The following TLL1 variants were observed in gnomAD, a reference collection of about 807,000 sequenced individuals.
TLL1 encodes the protein tolloid like 1.
In TLL1, 49 loss-of-function variants were observed where a neutral mutation model predicts 128.2. The observed-to-expected ratio is 0.38, with a 90% CI of 0.30 to 0.48. The LOEUF (loss-of-function observed/expected upper bound fraction) is 0.48, where lower values mean the gene tolerates loss of function less well. Among genes scored for constraint, TLL1 ranks in the 20% least tolerant of loss-of-function variants. The pLI is 0.96. For missense variants in TLL1, 1,123 were observed against 1,242.0 expected, an observed-to-expected ratio of 0.90 and a Z score of 1.44; for synonymous variants, 454 against 418.8, an observed-to-expected ratio of 1.08 and a Z score of -1.03.
At chr4:165,947,294 GA>G (rs1203090064) in intron 1 of TLL1, among the ~76,000 whole-genome samples, 4 of 152,062 alleles carry the variant, frequency 2.6e-5, no homozygotes, top group African/African-American at 9.7e-5. Context: ...AGACTTCACT[GA>G]ACCTTAATTA....
At chr4:165,957,715 TTA>T (rs1491474865) in intron 1 of TLL1, among the ~76,000 whole-genome samples, 3,431 of 150,996 alleles carry the variant, frequency 0.023, 129 homozygotes, top group African/African-American at 0.078. Context: ...TTTTTTTTTT[TTA>T]AATTATTATT....
chr4:165,927,165 A>G (rs1733311894), intron 1 of TLL1, among the ~76,000 whole-genome samples: 1 of 152,204 alleles, frequency 6.6e-6, no homozygotes, highest in Non-Finnish European at 1.5e-5. Flanking sequence ...AGAAAGCTTT[A>G]TATACCATAA....
intron 12 of TLL1, 99 bp downstream of exon 12, chr4:166,043,518 G>C: frequency 6.4e-7 from 1 of 1,553,358 alleles, no homozygotes; most frequent in Non-Finnish European, 8.9e-7. Context: ...CAGAGAGTCA[G>C]CCTTTTAATC....
At chr4:165,912,682 T>G (rs1035472417) in intron 1 of TLL1, among the ~76,000 whole-genome samples, 1 of 152,154 alleles carries the variant, frequency 6.6e-6, no homozygotes, top group Non-Finnish European at 1.5e-5. Context: ...CCATAGTTGT[T>G]CAATAGAATG....
chr4:166,099,543 A>G lies in TLL1; in HGVS notation c.2907+16A>G, dbSNP rs545800218. On this transcript the variant is annotated intron_variant, in intron 20 of 20. Transcript: ENST00000061240. Reference sequence around the variant, plus strand: ...TGGATCCGGGGTAAATATACCACCAACAGAATACCCTAGACATGATTAAAG... The same window carrying G: ...TGGATCCGGGGTAAATATACCACCAGCAGAATACCCTAGACATGATTAAAG... 8 of 1,613,102 alleles carry G rather than the reference A, an allele frequency of 5.0e-6. No homozygotes were observed. In the Admixed American group the frequency reaches 1.0e-4, roughly 20 times the overall value.
At chr4:166,086,594 G>A (rs1479568057) in intron 18 of TLL1, among the ~76,000 whole-genome samples, 2 of 152,074 alleles carry the variant, frequency 1.3e-5, no homozygotes, top group African/African-American at 4.8e-5. Flanking sequence ...CGGTCTCAAA[G>A]GAACCAGACT....
In TLL1 at chr4:166,100,955, G is replaced by A. The variant is rs1239617854; in HGVS notation, c.*79G>A. 3.9e-6 allele frequency: 6 copies of A among 1,540,566 alleles called. No individual in the cohort carries two copies. The Admixed American group carries it at 7.4e-5, about 19-fold the overall frequency. ...ATTTTTTTTAAAACTGAAGATATTG[G>A]CACAAATGTTTTATACAAAGAGTTT... On this transcript the variant is annotated 3_prime_UTR_variant, in exon 21 of 21. Transcript: ENST00000061240.
intron 19 of TLL1, among the ~76,000 whole-genome samples, chr4:166,098,399 G>T (rs1742127289): frequency 1.4e-5 from 2 of 146,010 alleles, no homozygotes; most frequent in Admixed American, 6.8e-5. Context: ...AAGTGTGTTT[G>T]AAACCTTTTA....
intron 12 of TLL1, among the ~76,000 whole-genome samples, chr4:166,047,251 A>G (rs1302002472): frequency 1.3e-5 from 2 of 150,128 alleles, no homozygotes; most frequent in East Asian, 1.9e-4. Flanking sequence ...TGCAACCTCC[A>G]CCTCCCAGGT....
Position 166,083,551 on chromosome 4 carries a change from C to A in TLL1, c.2442+5521C>A, listed in dbSNP as rs1741379357. Among the ~76,000 whole-genome samples the A allele has an allele frequency of 1.6e-5, 2 of 123,148 alleles. 1 individual carries two copies. Among genetic ancestry groups the A allele is most frequent in the Admixed American group, 1.9e-4 (2 of 10,324 alleles). 80.8% of individuals were successfully genotyped at this position (123,148 alleles called of 152,430 possible). A position where few individuals can be genotyped will look rare whatever the true frequency, so the allele number is the denominator to read the frequency against. The stretch of plus-strand genomic sequence containing the variant: ...TCTACTCAACCCTTTCCCATCTCAA[C>A]CACCCTAGCCTTTGGTCAACACCAT... On this transcript the variant is annotated intron_variant, in intron 18 of 20. Coordinates refer to ENST00000061240, the MANE Select transcript of TLL1 (RefSeq NM_012464.5).
At chr4:165,883,972 C>T (rs1215853148) in intron 1 of TLL1, among the ~76,000 whole-genome samples, 1 of 152,160 alleles carries the variant, frequency 6.6e-6, no homozygotes, top group Non-Finnish European at 1.5e-5. Context: ...TCGGTAATTT[C>T]TGGTTCAGAT....
chr4:165,969,764 A>G (rs1049372345), intron 1 of TLL1, among the ~76,000 whole-genome samples: 26 of 152,234 alleles, frequency 1.7e-4, no homozygotes, highest in Admixed American at 1.4e-3. Flanking sequence ...GTTATTAATC[A>G]CTGTACTTCA....
chr4:166,045,414 G>A lies in TLL1; in HGVS notation c.1524+1995G>A, dbSNP rs1023985312. The stretch of plus-strand genomic sequence containing the variant: ...TCTACCTTTTCTCTTAAGCCCTGCA[G>A]CCAATCTATCAGCATATATCAGTTG... On this transcript the variant is annotated intron_variant, in intron 12 of 20. Coordinates refer to ENST00000061240, the MANE Select transcript of TLL1 (RefSeq NM_012464.5). Among the ~76,000 whole-genome samples the A allele has an allele frequency of 2.0e-5, 3 of 152,084 alleles. No individual in the cohort carries two copies. In the East Asian group the frequency reaches 5.8e-4, roughly 29 times the overall value.
rs372917139 is a variant in TLL1, at chr4:165,906,827, G to GTT, written c.169+32772_169+32773dup. On this transcript the variant is annotated intron_variant, in intron 1 of 20. Coordinates refer to ENST00000061240, the MANE Select transcript of TLL1 (RefSeq NM_012464.5). ...ATCCTTTTGTCAGCTTATTTCTCCA[G>GTT]TTTTTTTTTTTTTTTTTTTGGTTCA... 1.6e-3 allele frequency among the ~76,000 whole-genome samples: 181 copies of GTT among 114,218 alleles called. 1 individual carries two copies. The East Asian group carries it at 0.017, about 11-fold the overall frequency. 74.9% of individuals were successfully genotyped at this position (114,218 alleles called of 152,430 possible).
intron 1 of TLL1, among the ~76,000 whole-genome samples, chr4:165,874,339 C>G (rs1307079585): frequency 6.6e-6 from 1 of 152,164 alleles, no homozygotes; most frequent in African/African-American, 2.4e-5. Context: ...AGTTTCTGAT[C>G]CCTCTCCCCT....
chr4:166,057,121 C>T, intron 13 of TLL1, 63 bp from the exon 14 acceptor site: 4 of 1,596,076 alleles, frequency 2.5e-6, no homozygotes, highest in South Asian at 1.1e-5. Flanking sequence ...ACAGCCAAAC[C>T]ATTTCACATA....
At chr4:166,025,208 A>G (rs568492407) in intron 8 of TLL1, 108 bp from the exon 9 acceptor site, 3 of 761,786 alleles carry the variant, frequency 3.9e-6, no homozygotes, top group African/African-American at 1.8e-5. Context: ...ATAAAAGACA[A>G]ACATTTAGTC....
intron 18 of TLL1, among the ~76,000 whole-genome samples, chr4:166,085,747 G>C (rs897397830): frequency 6.6e-6 from 1 of 152,006 alleles, no homozygotes; most frequent in Non-Finnish European, 1.5e-5. Context: ...TTTTGTTGCT[G>C]TTGTTGGGTA....
chr4:165,929,025 T>C (rs1286045964), intron 1 of TLL1, among the ~76,000 whole-genome samples: 1 of 152,124 alleles, frequency 6.6e-6, no homozygotes. Context: ...TGTCGGACCA[T>C]CCCATTGAGC....
Sources: allele counts gnomAD v4.1 joint callset (sites outside exome capture counted in the v4.1 genomes callset), GRCh38; gene constraint gnomAD v4.1.1; transcripts MANE v1.5; gene names NCBI Gene and HGNC (gene_info 2026-07-23, HGNC 2026-07-21).